The following MGMT variants were observed in gnomAD, a reference collection of about 807,000 sequenced individuals.
MGMT encodes the protein methylated-DNA--protein-cysteine methyltransferase.
Under a neutral mutation model 15.9 loss-of-function variants are expected in MGMT, and 14 were observed. The observed-to-expected ratio is 0.88, with a 90% CI of 0.58 to 1.37. The LOEUF (loss-of-function observed/expected upper bound fraction) is 1.37, where lower values mean the gene tolerates loss of function less well. Ranked by LOEUF, MGMT falls within the 40% of genes most tolerant of loss-of-function variation. The pLI, the probability that MGMT is intolerant of heterozygous loss-of-function variation, is 0.00. For synonymous variants in MGMT, 130 were observed against 118.2 expected (o/e 1.10, Z -0.65); for missense variants, 282 against 268.1 (o/e 1.05, Z -0.36).
At chr10:129,663,435 A>G (rs1411659914) in intron 2 of MGMT, among the ~76,000 whole-genome samples, 2 of 152,296 alleles carry the variant, frequency 1.3e-5, no homozygotes, top group East Asian at 3.9e-4. Context: ...TCAGAAAACT[A>G]TGAAAAATTA....
chr10:129,689,137 C>G (rs1169784458), intron 2 of MGMT, among the ~76,000 whole-genome samples: 1 of 152,070 alleles, frequency 6.6e-6, no homozygotes, highest in Admixed American at 6.5e-5. Context: ...GCCACTTTGC[C>G]CAGGTTTGTC....
At chr10:129,708,109 C>G in intron 3 of MGMT, 66 bp downstream of exon 3, 2 of 1,534,338 alleles carry the variant, frequency 1.3e-6, no homozygotes, top group African/African-American at 1.4e-5. Context: ...TCGCTGACAT[C>G]ACAGTTCATT....
At chr10:129,597,870 G>A (rs1345850883) in intron 2 of MGMT, among the ~76,000 whole-genome samples, 2 of 152,202 alleles carry the variant, frequency 1.3e-5, no homozygotes, top group Non-Finnish European at 2.9e-5. Context: ...TAATGATGTG[G>A]TATTTTTGTA....
intron 1 of MGMT, among the ~76,000 whole-genome samples, chr10:129,491,863 A>G (rs987798913): frequency 3.3e-5 from 5 of 152,126 alleles, no homozygotes; most frequent in Non-Finnish European, 7.4e-5. Context: ...TCCTCTTATT[A>G]TTAAGTGTAT....
chr10:129,653,584 C>T (rs778423889), intron 2 of MGMT, among the ~76,000 whole-genome samples: 2 of 152,350 alleles, frequency 1.3e-5, no homozygotes, highest in Non-Finnish European at 2.9e-5. Flanking sequence ...AGTGGCCTCA[C>T]GTGGCCTCCC....
chr10:129,721,653 A>G (rs1031242511), intron 3 of MGMT, among the ~76,000 whole-genome samples: 2 of 152,342 alleles, frequency 1.3e-5, no homozygotes, highest in Non-Finnish European at 2.9e-5. Context: ...ATGGAAATAC[A>G]TTGTTCTAAG....
chr10:129,536,588 G>T (rs535571628), intron 2 of MGMT: 3 of 553,562 alleles, frequency 5.4e-6, no homozygotes, highest in East Asian at 6.1e-5. Flanking sequence ...CTCCACCTCC[G>T]ATGAACCCAG....
intron 2 of MGMT, among the ~76,000 whole-genome samples, chr10:129,569,247 G>T (rs1028035351): frequency 6.6e-6 from 1 of 152,112 alleles, no homozygotes. Flanking sequence ...CGGCTCCGGC[G>T]CACAGATGCT....
rs1017650115 is a variant in MGMT at position 129,739,556 on chromosome 10, C to T, written c.275-19646C>T. Among the ~76,000 whole-genome samples the T allele has an allele frequency of 2.1e-4, 32 of 152,218 alleles. 1 individual carries two copies. The highest frequency in any genetic ancestry group is 3.4e-3 in the Middle Eastern group (1 of 294). On this transcript the variant is annotated intron_variant, in intron 3 of 4. Transcript: ENST00000651593. ...TGTTGACCTGCCTCTAACACTGGGA[C>T]GAGCATCAGCCAAATCAGAACCAGG...
intron 1 of MGMT, among the ~76,000 whole-genome samples, chr10:129,468,043 A>T (rs929691150): frequency 6.6e-6 from 1 of 152,030 alleles, no homozygotes; most frequent in Non-Finnish European, 1.5e-5. Flanking sequence ...GATCATCATC[A>T]GACAGGGAAG....
intron 2 of MGMT, among the ~76,000 whole-genome samples, chr10:129,603,916 G>A (rs1413748874): frequency 6.6e-6 from 1 of 152,230 alleles, no homozygotes; most frequent in Non-Finnish European, 1.5e-5. Context: ...GTGCCCTCTT[G>A]CAGGTTCTCA....
At chr10:129,626,851 A>G (rs1847155535) in intron 2 of MGMT, among the ~76,000 whole-genome samples, 3 of 152,240 alleles carry the variant, frequency 2.0e-5, no homozygotes, top group South Asian at 2.1e-4. Flanking sequence ...GAATTGTTTT[A>G]TAAACTGACT....
chr10:129,709,733 T>A (rs1397180998), intron 3 of MGMT, among the ~76,000 whole-genome samples: 1 of 152,180 alleles, frequency 6.6e-6, no homozygotes, highest in East Asian at 1.9e-4. Context: ...AAAAGTTCCA[T>A]GAAAATCGTT....
intron 2 of MGMT, among the ~76,000 whole-genome samples, chr10:129,639,317 A>G (rs1352590181): frequency 1.3e-5 from 2 of 152,216 alleles, no homozygotes; most frequent in Non-Finnish European, 2.9e-5. Context: ...TATTCAGTTC[A>G]CCAAAAAGAC....
At chr10:129,729,475 A>G (rs1848472368) in intron 3 of MGMT, among the ~76,000 whole-genome samples, 1 of 152,146 alleles carries the variant, frequency 6.6e-6, no homozygotes, top group South Asian at 2.1e-4. Flanking sequence ...CCTCATTTGA[A>G]TAGGTGAGCA....
chr10:129,626,989 C>T (rs1847157074), intron 2 of MGMT, among the ~76,000 whole-genome samples: 1 of 152,160 alleles, frequency 6.6e-6, no homozygotes, highest in Admixed American at 6.5e-5. Context: ...GTGCTGCCCG[C>T]CTCTGAGGGG....
rs1845950800 is a variant in MGMT, at chr10:129,533,160, T to C, written c.-12-3081T>C. ...GCTGTGCCTGGTTGCCCCACAGATGTTTCCTGAAGCTTGATTTTGGCTGTG... is the reference window on the plus strand; with the variant it reads ...GCTGTGCCTGGTTGCCCCACAGATGCTTCCTGAAGCTTGATTTTGGCTGTG... On this transcript the variant is annotated intron_variant, in intron 1 of 4. Transcript: ENST00000651593. This position sits in a 1 kb window ranked among gnomAD's most constrained non-coding sequence, Gnocchi z 4.5. Among the ~76,000 whole-genome samples, 1 of 152,246 alleles carries C rather than the reference T, an allele frequency of 6.6e-6. No homozygotes were observed. Among genetic ancestry groups the C allele is most frequent in the Admixed American group, 6.5e-5 (1 of 15,286 alleles).
intron 1 of MGMT, among the ~76,000 whole-genome samples, chr10:129,496,880 A>G (rs953733489): frequency 1.3e-5 from 2 of 151,662 alleles, no homozygotes; most frequent in African/African-American, 4.9e-5. Context: ...AATTGTAGAG[A>G]TGGGGTCTCT....
At position 129,518,337 on chromosome 10, in the gene MGMT, T is replaced by TACACACACAC. The variant is rs61316662; in HGVS notation, c.-12-17876_-12-17867dup. On this transcript the variant is annotated intron_variant, in intron 1 of 4. Coordinates refer to ENST00000651593, the MANE Select transcript of MGMT (RefSeq NM_002412.5). ...TGATGTGTGTACAGATACACACACATACACACACACACACACACACACACA... is the reference window on the plus strand; with the variant it reads ...TGATGTGTGTACAGATACACACACATACACACACACACACACACACACACACACACACACA... Among the ~76,000 whole-genome samples, 35 of 119,580 alleles carry TACACACACAC rather than the reference T, an allele frequency of 2.9e-4. 1 individual carries two copies. The highest frequency in any genetic ancestry group is 2.7e-3 in the Admixed American group (32 of 11,962). 78.4% of individuals were successfully genotyped at this position (119,580 alleles called of 152,430 possible).
Sources: gnomAD v4.1 joint callset for allele counts (sites outside exome capture counted in the v4.1 genomes callset) on GRCh38, gnomAD v4.1.1 for gene constraint, Gnocchi (gnomAD v3.1) non-coding constraint, MANE v1.5 for transcripts, NCBI Gene and HGNC (gene_info 2026-07-23, HGNC 2026-07-21) for gene names.